Variants in LDLRAD3 observed in about 807,000 individuals in gnomAD.
LDLRAD3 encodes the protein low density lipoprotein receptor class A domain containing 3.
In LDLRAD3, 20 loss-of-function variants were observed where a neutral mutation model predicts 29.4. The observed-to-expected ratio is 0.68, with a 90% CI of 0.48 to 0.99. The LOEUF is 0.99. LDLRAD3 is among the 50% of genes least tolerant of loss of function. The pLI is 0.00. For synonymous variants in LDLRAD3, 157 were observed against 192.7 expected, an observed-to-expected ratio of 0.81 and a Z score of 1.53; for missense variants, 420 against 454.3, an observed-to-expected ratio of 0.92 and a Z score of 0.69.
At chr11:36,070,988 C>T (rs1852891861) in intron 2 of LDLRAD3, among the ~76,000 whole-genome samples, 1 of 152,114 alleles carries the variant, frequency 6.6e-6, no homozygotes, top group African/African-American at 2.4e-5. Context: ...CCCAGAGAAA[C>T]CAATTCCAGC....
chr11:36,177,685 C>A (rs919467315), intron 4 of LDLRAD3, among the ~76,000 whole-genome samples: 1 of 152,214 alleles, frequency 6.6e-6, no homozygotes, highest in Non-Finnish European at 1.5e-5. Flanking sequence ...TCCATCTTCA[C>A]GTCTCTCAGC....
chr11:36,051,808 C>T (rs1416809186), intron 2 of LDLRAD3, among the ~76,000 whole-genome samples: 2 of 152,084 alleles, frequency 1.3e-5, no homozygotes, highest in Non-Finnish European at 2.9e-5. Context: ...AGTTTTGAGT[C>T]GTCTCTCGAA....
chr11:35,948,033 C>G (rs1851081078), intron 1 of LDLRAD3, among the ~76,000 whole-genome samples: 1 of 152,100 alleles, frequency 6.6e-6, no homozygotes, highest in Non-Finnish European at 1.5e-5. Context: ...AACTCTGGTC[C>G]TTTTGCTGTG....
intron 2 of LDLRAD3, among the ~76,000 whole-genome samples, chr11:36,076,039 G>GC (rs1852994075): frequency 6.6e-6 from 1 of 152,162 alleles, no homozygotes; most frequent in South Asian, 2.1e-4. Flanking sequence ...CTCCAAGGAG[G>GC]TTGGTTCTCT....
intron 1 of LDLRAD3, among the ~76,000 whole-genome samples, chr11:35,973,560 G>A (rs759739502): frequency 6.6e-6 from 1 of 152,084 alleles, no homozygotes; most frequent in Non-Finnish European, 1.5e-5. Flanking sequence ...AGCCTCCTGG[G>A]TTCAAGCTAT....
chr11:35,990,879 G>A (rs1195304450), intron 1 of LDLRAD3, among the ~76,000 whole-genome samples: 1 of 152,188 alleles, frequency 6.6e-6, no homozygotes, highest in Non-Finnish European at 1.5e-5. Flanking sequence ...CACATTCAGA[G>A]GTATTGGAGG....
intron 4 of LDLRAD3, among the ~76,000 whole-genome samples, chr11:36,219,304 A>AT (rs986056924): frequency 1.3e-5 from 2 of 151,618 alleles, no homozygotes; most frequent in Non-Finnish European, 2.9e-5. Context: ...TTTCTATATT[A>AT]TTTTTTTTTA....
intron 3 of LDLRAD3, among the ~76,000 whole-genome samples, chr11:36,097,841 A>G (rs10836491): frequency 0.33 from 43,854 of 133,710 alleles, 7,654 homozygotes; most frequent in Admixed American, 0.4. Context: ...ACAAAAATGG[A>G]AAAAAAAATT....
intron 4 of LDLRAD3, among the ~76,000 whole-genome samples, chr11:36,162,647 G>A (rs964333068): frequency 2.0e-5 from 3 of 152,182 alleles, no homozygotes; most frequent in African/African-American, 7.2e-5. Context: ...AGCCTTAGCC[G>A]TGAGCTTCTC....
intron 4 of LDLRAD3, among the ~76,000 whole-genome samples, chr11:36,135,895 G>A (rs894571116): frequency 2.0e-5 from 3 of 152,310 alleles, no homozygotes; most frequent in Middle Eastern, 3.4e-3. Flanking sequence ...AGGCAACAGA[G>A]TGAGACTCCA....
At chr11:36,098,132 T>C (rs894554052) in intron 3 of LDLRAD3, among the ~76,000 whole-genome samples, 195 bp from the exon 4 acceptor site, 1 of 150,560 alleles carries the variant, frequency 6.6e-6, no homozygotes. Context: ...CCCCAGGAGG[T>C]TTTAGAATGA....
intron 3 of LDLRAD3, among the ~76,000 whole-genome samples, chr11:36,095,648 C>T (rs868789251): frequency 2.0e-5 from 3 of 152,138 alleles, no homozygotes; most frequent in South Asian, 2.1e-4. Context: ...ACGTATGTGG[C>T]GTTTTTCCTT....
chr11:36,058,766 A>G (rs888061112), intron 2 of LDLRAD3, among the ~76,000 whole-genome samples: 3 of 152,214 alleles, frequency 2.0e-5, no homozygotes, highest in African/African-American at 7.2e-5. Flanking sequence ...TTTGATGGTC[A>G]CAATTGGGGT....
chr11:35,966,678 A>G (rs1358190694), intron 1 of LDLRAD3, among the ~76,000 whole-genome samples: 1 of 152,208 alleles, frequency 6.6e-6, no homozygotes, highest in Non-Finnish European at 1.5e-5. Context: ...CAATTAAACA[A>G]CCAGCTCAGA....
Position 36,094,501 on chromosome 11 carries a change from G to A in LDLRAD3, c.320-3826G>A, listed in dbSNP as rs187251887. ...TGGCATTGTAACAGTATAACACATG[G>A]TATCCATTCTTTATAAGTAAACATT... On this transcript the variant is annotated intron_variant, in intron 3 of 5. Transcript: ENST00000315571. 7.9e-4 allele frequency among the ~76,000 whole-genome samples: 121 copies of A among 152,272 alleles called. 1 individual carries two copies. The highest frequency in any genetic ancestry group is 2.8e-3 in the African/African-American group (117 of 41,568).
intron 2 of LDLRAD3, among the ~76,000 whole-genome samples, chr11:36,066,625 G>T (rs1163000292): frequency 2.6e-5 from 4 of 152,084 alleles, no homozygotes. Flanking sequence ...TCCCAAACTT[G>T]CTTGGTGGAA....
At chr11:36,223,755 TAAAAA>T (rs34618596) in intron 4 of LDLRAD3, among the ~76,000 whole-genome samples, 1 of 151,164 alleles carries the variant, frequency 6.6e-6, no homozygotes, top group Non-Finnish European at 1.5e-5. Flanking sequence ...GAATAAAAAA[TAAAAA>T]AAATACATCT....
At chr11:35,956,929 G>A (rs1386022684) in intron 1 of LDLRAD3, among the ~76,000 whole-genome samples, 1 of 152,062 alleles carries the variant, frequency 6.6e-6, no homozygotes, top group African/African-American at 2.4e-5. Flanking sequence ...TAGAGATGGG[G>A]TTTCACCACG....
At chr11:36,103,147 C>A (rs1200737493) in intron 4 of LDLRAD3, among the ~76,000 whole-genome samples, 2 of 152,068 alleles carry the variant, frequency 1.3e-5, no homozygotes, top group Non-Finnish European at 2.9e-5. Flanking sequence ...TCCTTCCCCC[C>A]AGGCCCCGGG....
Sources: allele counts gnomAD v4.1 joint callset (sites outside exome capture counted in the v4.1 genomes callset), GRCh38; gene constraint gnomAD v4.1.1; transcripts MANE v1.5; gene names NCBI Gene and HGNC (gene_info 2026-07-23, HGNC 2026-07-21).